RASSF5: variants seen among roughly 807,000 people sequenced by gnomAD.
RASSF5 encodes the protein Ras association domain family member 5.
In RASSF5, 25 loss-of-function variants were observed where a neutral mutation model predicts 40.5. That is an observed-to-expected ratio of 0.62 (90% CI 0.45 to 0.86). The LOEUF is 0.86. Ranked by LOEUF, RASSF5 falls within the 40% of genes least tolerant of loss-of-function variation. The pLI is 0.00. For missense variants in RASSF5, 521 were observed against 572.8 expected, an observed-to-expected ratio of 0.91 and a Z score of 0.92; for synonymous variants, 246 against 252.4, an observed-to-expected ratio of 0.97 and a Z score of 0.24.
At chr1:206,549,985 C>T (rs1029270404) in intron 2 of RASSF5, among the ~76,000 whole-genome samples, 16 of 152,312 alleles carry the variant, frequency 1.1e-4, no homozygotes, top group East Asian at 1.9e-4. Context: ...TCTCTCTCTG[C>T]AGCTGTCTCC....
intron 2 of RASSF5, among the ~76,000 whole-genome samples, chr1:206,575,898 A>G (rs1453589661): frequency 6.6e-6 from 1 of 152,254 alleles, no homozygotes; most frequent in African/African-American, 2.4e-5. Context: ...TCTTGGTATC[A>G]GACCCTCAGG....
intron 2 of RASSF5, among the ~76,000 whole-genome samples, chr1:206,569,604 C>G (rs1668385123): frequency 6.6e-6 from 1 of 152,232 alleles, no homozygotes; most frequent in African/African-American, 2.4e-5. Flanking sequence ...ACAGCCATCT[C>G]AAATTATGTC....
chr1:206,586,918 T>C lies in RASSF5; in HGVS notation c.1197T>C (p.Tyr399=). The change falls in exon 6 of 6, where the codon TAT becomes TAC. Residue 399 remains tyrosine (Y), a synonymous_variant. Coordinates refer to ENST00000579436, the MANE Select transcript of RASSF5 (RefSeq NM_182663.4). The stretch of plus-strand genomic sequence containing the variant: ...AAATCCAACAAGTGCAAAAGAAGTA[T>C]GACAAGTTTAGGCAGAAACTGGAGG... ...QDKIQQVQKK[Y]DKFRQKLEEA... The C allele has an allele frequency of 1.2e-6, 2 of 1,614,174 alleles. No individual in the cohort carries two copies. The highest frequency in any genetic ancestry group is 1.7e-6 in the Non-Finnish European group (2 of 1,180,024).
chr1:206,560,510 C>T lies in RASSF5; in HGVS notation c.579+22217C>T, dbSNP rs975611805. On this transcript the variant is annotated intron_variant, in intron 2 of 5. Transcript: ENST00000579436. This position sits in a 1 kb window ranked among gnomAD's most constrained non-coding sequence, Gnocchi z 5.1. ...ATGGCAGTTTCCTGGGGCCACGTGC[C>T]TCCTTTGAGAGGGGCCGGGGACTTG... Among the ~76,000 whole-genome samples the T allele has an allele frequency of 6.6e-6, 1 of 152,226 alleles. No individual in the cohort carries two copies. The highest frequency in any genetic ancestry group is 1.5e-5 in the Non-Finnish European group (1 of 68,040).
At position 206,584,807 on chromosome 1, in the gene RASSF5, C is replaced by G; in HGVS notation, c.988+123C>G. ...CTTCTCCTGAGCACCAGGGGTCCAG[C>G]TGCCCATGTGGTGTTCAGATCTGTG... On this transcript the variant is annotated intron_variant, in intron 4 of 5. Transcript: ENST00000579436. The surrounding 1 kb of genome is among the most constrained non-coding windows in gnomAD (Gnocchi z 4.9). 1 of 1,025,168 alleles carries G rather than the reference C, an allele frequency of 9.8e-7. No homozygotes were observed. The highest frequency in any genetic ancestry group is 2.6e-5 in the East Asian group (1 of 38,732). 63.5% of individuals were successfully genotyped at this position (1,025,168 alleles called of 1,614,324 possible). A position where few individuals can be genotyped will look rare whatever the true frequency, so the allele number is the denominator to read the frequency against.
At position 206,584,273 on chromosome 1, in the gene RASSF5, C is replaced by A. The variant is rs1252173035; in HGVS notation, c.691-114C>A. On this transcript the variant is annotated intron_variant, in intron 3 of 5. Coordinates refer to ENST00000579436, the MANE Select transcript of RASSF5 (RefSeq NM_182663.4). This position sits in a 1 kb window ranked among gnomAD's most constrained non-coding sequence, Gnocchi z 4.9. The stretch of plus-strand genomic sequence containing the variant: ...TCCAGCTCTCCCACGTCAGCAGAGG[C>A]AGGAAAGAACTCAAGGAGACAGGTG... 2 of 1,006,866 alleles carry A rather than the reference C, an allele frequency of 2.0e-6. No individual in the cohort carries two copies. Among genetic ancestry groups the A allele is most frequent in the Non-Finnish European group, 2.9e-6 (2 of 691,504 alleles). 62.4% of individuals were successfully genotyped at this position (1,006,866 alleles called of 1,614,324 possible). A position where few individuals can be genotyped will look rare whatever the true frequency, so the allele number is the denominator to read the frequency against.
At chr1:206,537,990 G>C (rs1553398871) in intron 1 of RASSF5, among the ~76,000 whole-genome samples, 182 bp from the exon 2 acceptor site, 1 of 152,202 alleles carries the variant, frequency 6.6e-6, no homozygotes, top group African/African-American at 2.4e-5. Flanking sequence ...CACTTAACTT[G>C]CATCCTTCCT....
At chr1:206,546,504 A>C (rs1251836509) in intron 2 of RASSF5, among the ~76,000 whole-genome samples, 2 of 151,942 alleles carry the variant, frequency 1.3e-5, no homozygotes, top group Non-Finnish European at 2.9e-5. Flanking sequence ...AATGTACTTT[A>C]TGATTGCATT....
chr1:206,553,045 A>G (rs1374047815), intron 2 of RASSF5, among the ~76,000 whole-genome samples: 1 of 152,136 alleles, frequency 6.6e-6, no homozygotes, highest in Non-Finnish European at 1.5e-5. Context: ...CTACTAAAAT[A>G]CAAAAAATTA....
chr1:206,537,315 C>T lies in RASSF5; in HGVS notation c.458-857C>T, dbSNP rs540080143. Among the ~76,000 whole-genome samples the T allele has an allele frequency of 3.5e-4, 54 of 152,298 alleles. 1 individual carries two copies. The South Asian group carries it at 0.011, about 31-fold the overall frequency. On this transcript the variant is annotated intron_variant, in intron 1 of 5. Transcript: ENST00000579436. ...GAATGTGCTTCCCCCGCTGAATCCCCGGATCTGGGATGTGGTCTGTGGGCT... is the reference window on the plus strand; with the variant it reads ...GAATGTGCTTCCCCCGCTGAATCCCTGGATCTGGGATGTGGTCTGTGGGCT...
chr1:206,555,155 C>A (rs2103536719), intron 2 of RASSF5, among the ~76,000 whole-genome samples: 1 of 152,292 alleles, frequency 6.6e-6, no homozygotes, highest in Non-Finnish European at 1.5e-5. Context: ...TGGCAGGGAG[C>A]AGTACCCTAA....
Position 206,513,638 on chromosome 1 carries a change from C to T in RASSF5, c.457+5579C>T, listed in dbSNP as rs1021933959. ...CCATGGCTGGGTGGGGAAGGGCTGG[C>T]GGCAGCTGGGAAGGCCGGGCCTGAC... On this transcript the variant is annotated intron_variant, in intron 1 of 5. Transcript: ENST00000579436. The surrounding 1 kb of genome is among the most constrained non-coding windows in gnomAD (Gnocchi z 5.0). Among the ~76,000 whole-genome samples, 14 of 152,186 alleles carry T rather than the reference C, an allele frequency of 9.2e-5. No homozygotes were observed. The highest frequency in any genetic ancestry group is 2.4e-4 in the African/African-American group (10 of 41,440).
intron 2 of RASSF5, chr1:206,557,579 C>T (rs1668025858): frequency 1.2e-6 from 2 of 1,613,994 alleles, no homozygotes; most frequent in African/African-American, 1.3e-5. Context: ...GGTAGATGAC[C>T]GTGGACAGCA....
In RASSF5 at chr1:206,508,073, C is replaced by T. The variant is rs972923055; in HGVS notation, c.457+14C>T. On this transcript the variant is annotated intron_variant, in intron 1 of 5. Transcript: ENST00000579436. The stretch of plus-strand genomic sequence containing the variant: ...TGCGCTGCACTAGTAAGTGTGAAGG[C>T]AGGGGAGGGGCGTGCGGGGAGACCG... The T allele has an allele frequency of 7.3e-7, 1 of 1,368,822 alleles. No homozygotes were observed. Among genetic ancestry groups the T allele is most frequent in the East Asian group, 2.9e-5 (1 of 34,294 alleles). 84.8% of individuals were successfully genotyped at this position (1,368,822 alleles called of 1,614,324 possible).
chr1:206,509,625 T>C (rs10863574), intron 1 of RASSF5, among the ~76,000 whole-genome samples: 8,969 of 152,266 alleles, frequency 0.059, 654 homozygotes, highest in East Asian at 0.31. Context: ...TTATCATAGC[T>C]GGAATCCCAG....
chr1:206,570,078 C>CT (rs375900760), intron 2 of RASSF5, among the ~76,000 whole-genome samples: 182 of 119,338 alleles, frequency 1.5e-3, no homozygotes, highest in South Asian at 2.4e-3. Context: ...TAAAATTTAC[C>CT]TTTTTTTTTT....
intron 1 of RASSF5, among the ~76,000 whole-genome samples, chr1:206,515,418 G>A (rs182649379): frequency 2.1e-4 from 32 of 152,288 alleles, no homozygotes; most frequent in Admixed American, 4.6e-4. Flanking sequence ...AGGTGTTCAG[G>A]GTGTGTAGGG....
intron 2 of RASSF5, among the ~76,000 whole-genome samples, chr1:206,581,610 AAGAG>A (rs1244539069): frequency 1.7e-4 from 25 of 148,076 alleles, no homozygotes; most frequent in South Asian, 6.5e-4. Flanking sequence ...GAAAGAAAGA[AAGAG>A]AGAGAGACAG....
intron 2 of RASSF5, among the ~76,000 whole-genome samples, chr1:206,559,243 C>T (rs1668075582): frequency 6.6e-6 from 1 of 152,186 alleles, no homozygotes; most frequent in African/African-American, 2.4e-5. Flanking sequence ...TGTTTTTAAA[C>T]CAAAGTTTAG....
Sources: gnomAD v4.1 joint callset for allele counts (sites outside exome capture counted in the v4.1 genomes callset) on GRCh38, gnomAD v4.1.1 for gene constraint, Gnocchi (gnomAD v3.1) non-coding constraint, MANE v1.5 for transcripts, NCBI Gene and HGNC (gene_info 2026-07-23, HGNC 2026-07-21) for gene names.